KCNJ3: variants seen among roughly 807,000 people sequenced by gnomAD.
KCNJ3 encodes G protein-activated inward rectifier potassium channel 1.
A neutral mutation model predicts 39.2 loss-of-function variants in KCNJ3; 4 were observed. That is an observed-to-expected ratio of 0.10 (90% CI 0.05 to 0.23). The LOEUF (loss-of-function observed/expected upper bound fraction) is 0.23. Ranked by LOEUF, KCNJ3 falls within the 10% of genes least tolerant of loss-of-function variation. The probability of loss-of-function intolerance (pLI) is 1.00; values close to 1 mark genes in which losing one functional copy is unlikely to be tolerated. For missense variants in KCNJ3, 276 were observed against 634.9 expected, an observed-to-expected ratio of 0.43 and a Z score of 6.08; for synonymous variants, 230 against 237.4, an observed-to-expected ratio of 0.97 and a Z score of 0.29.
intron 2 of KCNJ3, among the ~76,000 whole-genome samples, chr2:154,767,995 T>A (rs892795882): frequency 2.0e-5 from 3 of 152,176 alleles, no homozygotes; most frequent in Non-Finnish European, 2.9e-5. Flanking sequence ...CTTTTGAGAA[T>A]GTCTGTTTAT....
intron 2 of KCNJ3, among the ~76,000 whole-genome samples, chr2:154,813,794 G>C (rs1419487521): frequency 6.6e-6 from 1 of 152,176 alleles, no homozygotes; most frequent in African/African-American, 2.4e-5. Context: ...TGTTAACACT[G>C]TGTGAGAGAG....
rs528665686 is a variant in KCNJ3 at position 154,719,727 on chromosome 2, C to T, written c.919+9908C>T. ...TCATAATTTTACACGGAGGCTAACA[C>T]TGGCTGTTAGTCATTTAAACTATTT... is the stretch of plus-strand genomic sequence containing the variant. On this transcript the variant is annotated intron_variant, in intron 2 of 2. Transcript: ENST00000295101. Among the ~76,000 whole-genome samples the T allele has an allele frequency of 1.3e-4, 20 of 152,226 alleles. No homozygotes were observed. The South Asian group carries it at 4.1e-3, about 32-fold the overall frequency.
At chr2:154,806,347 C>T (rs540499921) in intron 2 of KCNJ3, among the ~76,000 whole-genome samples, 3 of 152,250 alleles carry the variant, frequency 2.0e-5, no homozygotes, top group African/African-American at 4.8e-5. Context: ...ACAGATGTTA[C>T]ACAAGCAGTG....
intron 2 of KCNJ3, among the ~76,000 whole-genome samples, chr2:154,852,671 G>A (rs2591137): frequency 0.64 from 97,126 of 151,846 alleles, 33,573 homozygotes; most frequent in East Asian, 0.93. Context: ...AAATATATCA[G>A]GAAATACATT....
At chr2:154,743,071 T>G (rs1169426421) in intron 2 of KCNJ3, among the ~76,000 whole-genome samples, 1 of 151,838 alleles carries the variant, frequency 6.6e-6, no homozygotes, top group African/African-American at 2.4e-5. Context: ...TTCAACTTCA[T>G]TCTTTTACAT....
chr2:154,808,470 T>G (rs1036923064), intron 2 of KCNJ3, among the ~76,000 whole-genome samples: 1 of 152,084 alleles, frequency 6.6e-6, no homozygotes, highest in African/African-American at 2.4e-5. Flanking sequence ...TCAGGATCAG[T>G]GCACTCAGTT....
chr2:154,853,279 C>A (rs183372176), intron 2 of KCNJ3, among the ~76,000 whole-genome samples: 271 of 151,944 alleles, frequency 1.8e-3, no homozygotes, highest in Non-Finnish European at 3.2e-3. Flanking sequence ...ACAACTAATT[C>A]TTTGGTAATA....
chr2:154,717,634 C>G (rs1182510698), intron 2 of KCNJ3, among the ~76,000 whole-genome samples: 1 of 152,116 alleles, frequency 6.6e-6, no homozygotes, highest in East Asian at 1.9e-4. Context: ...CACCCAAATA[C>G]ATAAAAATGA....
At chr2:154,842,624 C>T (rs1687593548) in intron 2 of KCNJ3, among the ~76,000 whole-genome samples, 1 of 152,140 alleles carries the variant, frequency 6.6e-6, no homozygotes, top group Admixed American at 6.5e-5. Context: ...CTGAGTGCTC[C>T]TGTATTGGGT....
chr2:154,818,013 C>A (rs776484305), intron 2 of KCNJ3, among the ~76,000 whole-genome samples: 1 of 152,076 alleles, frequency 6.6e-6, no homozygotes, highest in Non-Finnish European at 1.5e-5. Context: ...ACTATTATCT[C>A]TCTCTCCATG....
At chr2:154,837,460 A>G (rs73965524) in intron 2 of KCNJ3, among the ~76,000 whole-genome samples, 3,390 of 152,292 alleles carry the variant, frequency 0.022, 135 homozygotes, top group African/African-American at 0.077. Flanking sequence ...ATTTATTTCA[A>G]TAATAATTAT....
At chr2:154,771,406 A>C (rs2105196386) in intron 2 of KCNJ3, among the ~76,000 whole-genome samples, 1 of 152,322 alleles carries the variant, frequency 6.6e-6, no homozygotes, top group East Asian at 1.9e-4. Context: ...TATAACCTGA[A>C]AGCATGAAAG....
At chr2:154,714,075 C>T (rs1051897167) in intron 2 of KCNJ3, among the ~76,000 whole-genome samples, 1 of 152,160 alleles carries the variant, frequency 6.6e-6, no homozygotes, top group Non-Finnish European at 1.5e-5. Context: ...TTCCTGGTGT[C>T]TGTGGAGAAA....
At chr2:154,783,129 G>A (rs1445534738) in intron 2 of KCNJ3, among the ~76,000 whole-genome samples, 1 of 152,042 alleles carries the variant, frequency 6.6e-6, no homozygotes, top group African/African-American at 2.4e-5. Flanking sequence ...GGTGGGCCAA[G>A]ATTGCCCACT....
intron 2 of KCNJ3, among the ~76,000 whole-genome samples, chr2:154,714,254 A>G (rs1685147110): frequency 6.6e-6 from 1 of 152,164 alleles, no homozygotes; most frequent in South Asian, 2.1e-4. Flanking sequence ...TCCTACTGGA[A>G]AAAAATAAAA....
At chr2:154,799,362 C>T (rs570614186) in intron 2 of KCNJ3, among the ~76,000 whole-genome samples, 1 of 152,084 alleles carries the variant, frequency 6.6e-6, no homozygotes, top group South Asian at 2.1e-4. Flanking sequence ...CTGGTCTCAA[C>T]TCCTGACTGC....
intron 2 of KCNJ3, among the ~76,000 whole-genome samples, chr2:154,794,668 C>G (rs1686689777): frequency 6.6e-6 from 1 of 152,042 alleles, no homozygotes; most frequent in African/African-American, 2.4e-5. Flanking sequence ...CATAATGAAT[C>G]TCATTGATGA....
chr2:154,836,629 G>T (rs1332435060), intron 2 of KCNJ3, among the ~76,000 whole-genome samples: 1 of 150,846 alleles, frequency 6.6e-6, no homozygotes, highest in Non-Finnish European at 1.5e-5. Context: ...ATATATATTT[G>T]TGATTATTAT....
intron 2 of KCNJ3, among the ~76,000 whole-genome samples, chr2:154,790,477 A>C (rs2105209926): frequency 6.6e-6 from 1 of 152,128 alleles, no homozygotes; most frequent in African/African-American, 2.4e-5. Context: ...AACTCATCTG[A>C]GGCTTCCCAA....
Sources: allele counts gnomAD v4.1 joint callset (sites outside exome capture counted in the v4.1 genomes callset), GRCh38; gene constraint gnomAD v4.1.1; transcripts MANE v1.5; gene names NCBI Gene and HGNC (gene_info 2026-07-23, HGNC 2026-07-21).